FBN2: variants seen among roughly 807,000 people sequenced by gnomAD.
FBN2 encodes fibrillin-2.
FBN2 carries 105 observed loss-of-function variants against 355.6 expected under a neutral mutation model. The ratio of observed to expected loss-of-function variants is 0.30; its 90% CI spans 0.25 to 0.35. FBN2 has a LOEUF of 0.35. Among genes scored for constraint, FBN2 ranks in the 10% least tolerant of loss-of-function variants. FBN2 has a pLI of 1.00. For missense variants in FBN2, 3,280 were observed against 3,758.7 expected, an observed-to-expected ratio of 0.87 and a Z score of 3.33; for synonymous variants, 1,350 against 1,301.2, an observed-to-expected ratio of 1.04 and a Z score of -0.81.
At chr5:128,387,527 T>C (rs914159560) in intron 11 of FBN2, among the ~76,000 whole-genome samples, 3 of 152,070 alleles carry the variant, frequency 2.0e-5, no homozygotes, top group Admixed American at 6.6e-5. Context: ...TTTGCTCTTA[T>C]TTTTTTAGTT....
chr5:128,511,429 G>A (rs1307408491), intron 5 of FBN2, among the ~76,000 whole-genome samples: 1 of 152,082 alleles, frequency 6.6e-6, no homozygotes, highest in South Asian at 2.1e-4. Context: ...ACAACCACAC[G>A]AAATGATTAA....
At position 128,261,808 on chromosome 5, in the gene FBN2, C is replaced by A. The variant is rs753191500; in HGVS notation, c.8292G>T (p.Glu2764Asp). 1 of 1,614,226 alleles carries A rather than the reference C, an allele frequency of 6.2e-7. No individual in the cohort carries two copies. The highest frequency in any genetic ancestry group is 8.5e-7 in the Non-Finnish European group (1 of 1,180,014). ...ENALSPEACY[E>D]CKINGYSKKD... is the part of the protein sequence containing the mutation. ...TCTTAGAATAGCCGTTGATTTTGCACTCGTAGCATGCTTCTGGGGACAGAG... is the reference window on the plus strand; with the variant it reads ...TCTTAGAATAGCCGTTGATTTTGCAATCGTAGCATGCTTCTGGGGACAGAG... The change falls in exon 64 of 65, where the codon GAG becomes GAT. Residue 2764 changes from glutamate (E) to aspartate (D), a missense_variant. Coordinates refer to ENST00000262464, the MANE Select transcript of FBN2 (RefSeq NM_001999.4).
At chr5:128,393,112 C>T (rs1403087863) in intron 10 of FBN2, 23 bp downstream of exon 10, 1 of 1,560,792 alleles carries the variant, frequency 6.4e-7, no homozygotes, top group Admixed American at 1.7e-5. Context: ...ACTAAAGAGT[C>T]CACAGGAAAA....
At chr5:128,513,910 A>T (rs1756202080) in intron 5 of FBN2, among the ~76,000 whole-genome samples, 1 of 151,984 alleles carries the variant, frequency 6.6e-6, no homozygotes. Context: ...AGTGCCAAAA[A>T]GTTAAGTTCC....
At chr5:128,268,978 T>G (rs1765190207) in intron 62 of FBN2, among the ~76,000 whole-genome samples, 1 of 152,194 alleles carries the variant, frequency 6.6e-6, no homozygotes, top group African/African-American at 2.4e-5. Flanking sequence ...TAAGAATGCC[T>G]TCTCTTATCA....
At chr5:128,512,873 T>G (rs1410898333) in intron 5 of FBN2, among the ~76,000 whole-genome samples, 1 of 152,240 alleles carries the variant, frequency 6.6e-6, no homozygotes, top group Non-Finnish European at 1.5e-5. Flanking sequence ...ATGACCATTA[T>G]TTATTTCATT....
At chr5:128,384,259 A>G (rs2126966828) in intron 11 of FBN2, among the ~76,000 whole-genome samples, 1 of 152,174 alleles carries the variant, frequency 6.6e-6, no homozygotes, top group South Asian at 2.1e-4. Context: ...GTGACTAATC[A>G]GGGATTGCCT....
intron 5 of FBN2, among the ~76,000 whole-genome samples, chr5:128,508,511 C>T (rs1355313325): frequency 6.6e-6 from 1 of 152,000 alleles, no homozygotes; most frequent in Non-Finnish European, 1.5e-5. Flanking sequence ...AGTATAGGCA[C>T]ATCCCAGCCT....
At chr5:128,519,188 G>C in intron 5 of FBN2, 85 bp downstream of exon 5, 3 of 900,624 alleles carry the variant, frequency 3.3e-6, no homozygotes, top group Non-Finnish European at 5.4e-6. Flanking sequence ...TTCATTAGCA[G>C]AATCTTCATT....
intron 17 of FBN2, among the ~76,000 whole-genome samples, chr5:128,366,070 T>G (rs1052671273): frequency 1.3e-5 from 2 of 151,776 alleles, no homozygotes; most frequent in African/African-American, 4.8e-5. Context: ...CTTATTCTTC[T>G]TTTTTTAACT....
chr5:128,528,943 A>G (rs1335859943), intron 3 of FBN2, among the ~76,000 whole-genome samples: 2 of 152,238 alleles, frequency 1.3e-5, no homozygotes, highest in African/African-American at 4.8e-5. Context: ...TTTCCAGTAA[A>G]GCCTACAGGA....
At position 128,387,329 on chromosome 5, in the gene FBN2, T is replaced by A. The variant is rs190977918; in HGVS notation, c.1603+4689A>T. Among the ~76,000 whole-genome samples, 7 of 152,248 alleles carry A rather than the reference T, an allele frequency of 4.6e-5. No individual in the cohort carries two copies. The East Asian group carries it at 1.4e-3, about 29-fold the overall frequency. On this transcript the variant is annotated intron_variant, in intron 11 of 64. Coordinates refer to ENST00000262464, the MANE Select transcript of FBN2 (RefSeq NM_001999.4). Reference sequence around the variant, plus strand: ...TAATGTCTCCTTTATCATTTCAGTTTGTGTTTATTTCCGTCTTCTCTCTTT... The same window carrying A: ...TAATGTCTCCTTTATCATTTCAGTTAGTGTTTATTTCCGTCTTCTCTCTTT...
intron 19 of FBN2, among the ~76,000 whole-genome samples, chr5:128,360,340 C>T (rs1210939101): frequency 6.6e-6 from 1 of 152,002 alleles, no homozygotes; most frequent in African/African-American, 2.4e-5. Context: ...TTTGAGAAGC[C>T]AGAGCTGGCT....
intron 7 of FBN2, among the ~76,000 whole-genome samples, chr5:128,433,264 A>G (rs1312679494): frequency 6.6e-6 from 1 of 152,158 alleles, no homozygotes. Context: ...ACCACTTTCT[A>G]AAAGAAGGCC....
In FBN2 at chr5:128,350,976, T is replaced by A; in HGVS notation, c.2704A>T (p.Ile902Phe). 6.2e-7 allele frequency: 1 copy of A among 1,614,182 alleles called. No homozygotes were observed. Among genetic ancestry groups the A allele is most frequent in the Non-Finnish European group, 8.5e-7 (1 of 1,180,030 alleles). Residue 902 changes from isoleucine to phenylalanine, a missense_variant, in exon 21 of 65, where the codon ATC (isoleucine) becomes TTC (phenylalanine). Transcript: ENST00000262464. Reference protein sequence around the residue: ...DSLKGTCWLNIQDSRCEVNIN... With the variant: ...DSLKGTCWLNFQDSRCEVNIN... ...TTCACCTCACAGCGGCTGTCCTGGATGTTGAGCCAACAGGTCCCCTTCAGG... is the reference window on the plus strand; with the variant it reads ...TTCACCTCACAGCGGCTGTCCTGGAAGTTGAGCCAACAGGTCCCCTTCAGG...
At chr5:128,528,150 A>T (rs1329658969) in intron 3 of FBN2, among the ~76,000 whole-genome samples, 183 bp from the exon 4 acceptor site, 1 of 152,184 alleles carries the variant, frequency 6.6e-6, no homozygotes, top group Non-Finnish European at 1.5e-5. Flanking sequence ...ACATGGGCAT[A>T]TCTGTGATAA....
chr5:128,262,886 G>A (rs1022258333), intron 63 of FBN2, among the ~76,000 whole-genome samples: 1 of 152,206 alleles, frequency 6.6e-6, no homozygotes, highest in Non-Finnish European at 1.5e-5. Flanking sequence ...AGTGCGCCTA[G>A]TTGGAGGGAA....
intron 5 of FBN2, among the ~76,000 whole-genome samples, chr5:128,481,448 G>A (rs955043869): frequency 6.6e-6 from 1 of 152,158 alleles, no homozygotes; most frequent in Non-Finnish European, 1.5e-5. Context: ...AGGAGGCCCA[G>A]GTAGGAAGGG....
At chr5:128,402,125 T>C (rs987423536) in intron 8 of FBN2, among the ~76,000 whole-genome samples, 9 of 152,122 alleles carry the variant, frequency 5.9e-5, no homozygotes, top group African/African-American at 1.9e-4. Context: ...TGAAATTTCA[T>C]GGCCCTTAGA....
Sources: allele counts gnomAD v4.1 joint callset (sites outside exome capture counted in the v4.1 genomes callset), GRCh38; gene constraint gnomAD v4.1.1; transcripts MANE v1.5; gene names NCBI Gene and HGNC (gene_info 2026-07-23, HGNC 2026-07-21).